SGMS1: variants seen among roughly 807,000 people sequenced by gnomAD.
SGMS1 encodes the protein phosphatidylcholine:ceramide cholinephosphotransferase 1.
In SGMS1, 13 loss-of-function variants were observed where a neutral mutation model predicts 46.2. The ratio of observed to expected loss-of-function variants is 0.28; its 90% CI spans 0.18 to 0.45. SGMS1 has a LOEUF of 0.45. Ranked by LOEUF, SGMS1 falls within the 20% of genes least tolerant of loss-of-function variation. The probability of loss-of-function intolerance (pLI) is 1.00; values close to 1 mark genes in which losing one functional copy is unlikely to be tolerated. For missense variants in SGMS1, 324 were observed against 519.9 expected (o/e 0.62, Z 3.66); for synonymous variants, 203 against 187.8 (o/e 1.08, Z -0.66).
intron 2 of SGMS1, among the ~76,000 whole-genome samples, chr10:50,581,100 C>T (rs766000552): frequency 6.6e-6 from 1 of 152,162 alleles, no homozygotes; most frequent in Non-Finnish European, 1.5e-5. Flanking sequence ...AACTATTGCT[C>T]TAGTTCAAAA....
intron 6 of SGMS1, among the ~76,000 whole-genome samples, chr10:50,429,820 A>G (rs1158657899): frequency 2.0e-5 from 3 of 151,984 alleles, no homozygotes; most frequent in African/African-American, 4.8e-5. Flanking sequence ...TAAAAGATCT[A>G]TTCTTTCTTG....
intron 8 of SGMS1, among the ~76,000 whole-genome samples, chr10:50,311,754 C>T (rs1847257346): frequency 6.6e-6 from 1 of 152,102 alleles, no homozygotes; most frequent in Non-Finnish European, 1.5e-5. Flanking sequence ...GTATAACTAT[C>T]ATTTGGGAAA....
At chr10:50,323,290 C>T (rs1246841116) in intron 8 of SGMS1, among the ~76,000 whole-genome samples, 1 of 152,152 alleles carries the variant, frequency 6.6e-6, no homozygotes, top group Non-Finnish European at 1.5e-5. Context: ...GCATTAAGTA[C>T]ACTAATTACA....
At chr10:50,622,459 G>A (rs1307060671) in intron 1 of SGMS1, among the ~76,000 whole-genome samples, 5 of 152,040 alleles carry the variant, frequency 3.3e-5, no homozygotes, top group African/African-American at 1.2e-4. Context: ...TCAGACATTC[G>A]CCACTTCCAC....
chr10:50,494,260 C>T (rs922643187), intron 3 of SGMS1, among the ~76,000 whole-genome samples: 30 of 152,296 alleles, frequency 2.0e-4, no homozygotes, highest in African/African-American at 6.7e-4. Context: ...CCATTTGACC[C>T]AGCCATTCCA....
intron 4 of SGMS1, 33 bp downstream of exon 4, chr10:50,466,857 C>T (rs186745928): frequency 1.1e-4 from 16 of 152,114 alleles, no homozygotes; most frequent in Admixed American, 8.5e-4. Flanking sequence ...ACAAATTAAG[C>T]ATAAAAGGTA....
In SGMS1 at chr10:50,616,472, T is replaced by C. The variant is rs1340343626; in HGVS notation, c.-684+7235A>G. On this transcript the variant is annotated intron_variant, in intron 1 of 10. Coordinates refer to ENST00000361781, the MANE Select transcript of SGMS1 (RefSeq NM_147156.4). Reference sequence around the variant, plus strand: ...TTTAAAACCAGCATTAGGGGAGGTATTCCACCAACATAACCTAAGCAACAA... The same window carrying C: ...TTTAAAACCAGCATTAGGGGAGGTACTCCACCAACATAACCTAAGCAACAA... Among the ~76,000 whole-genome samples, 3 of 152,282 alleles carry C rather than the reference T, an allele frequency of 2.0e-5. No homozygotes were observed. The East Asian group carries it at 5.8e-4, about 29-fold the overall frequency.
chr10:50,484,703 G>A (rs920495272), intron 3 of SGMS1, among the ~76,000 whole-genome samples: 3 of 152,016 alleles, frequency 2.0e-5, no homozygotes, highest in Non-Finnish European at 2.9e-5. Flanking sequence ...CACCATGATC[G>A]AGCTGGCTTC....
intron 1 of SGMS1, among the ~76,000 whole-genome samples, chr10:50,599,394 G>A (rs1048255054): frequency 1.3e-5 from 2 of 152,066 alleles, no homozygotes; most frequent in Non-Finnish European, 2.9e-5. Flanking sequence ...CCCTGCAACA[G>A]CCCACTTCAG....
intron 2 of SGMS1, among the ~76,000 whole-genome samples, chr10:50,521,814 G>T (rs1837859150): frequency 6.6e-6 from 1 of 152,054 alleles, no homozygotes; most frequent in African/African-American, 2.4e-5. Flanking sequence ...CACATCTAAA[G>T]GCACAAAAAG....
At chr10:50,510,065 C>T (rs1837740317) in intron 3 of SGMS1, among the ~76,000 whole-genome samples, 1 of 152,120 alleles carries the variant, frequency 6.6e-6, no homozygotes, top group African/African-American at 2.4e-5. Flanking sequence ...ATCTTCTCCC[C>T]CATCACATGC....
chr10:50,476,059 C>T (rs551081125), intron 3 of SGMS1, among the ~76,000 whole-genome samples: 9 of 126,832 alleles, frequency 7.1e-5, no homozygotes, highest in Non-Finnish European at 1.2e-4. Context: ...CGAGACCAGC[C>T]TGGCCAACAC....
At chr10:50,473,422 C>T (rs1396568294) in intron 3 of SGMS1, among the ~76,000 whole-genome samples, 1 of 152,224 alleles carries the variant, frequency 6.6e-6, no homozygotes, top group East Asian at 1.9e-4. Flanking sequence ...TCTTAATTTC[C>T]TTTTAAAATA....
intron 1 of SGMS1, among the ~76,000 whole-genome samples, chr10:50,606,719 T>C (rs1210908157): frequency 6.6e-6 from 1 of 152,192 alleles, no homozygotes; most frequent in African/African-American, 2.4e-5. Flanking sequence ...TGATGTATGA[T>C]CAATGATTGC....
At chr10:50,437,010 A>C (rs897249862) in intron 5 of SGMS1, among the ~76,000 whole-genome samples, 1 of 152,208 alleles carries the variant, frequency 6.6e-6, no homozygotes, top group African/African-American at 2.4e-5. Context: ...TCATCTATAG[A>C]ATGGGAGCGA....
intron 5 of SGMS1, among the ~76,000 whole-genome samples, chr10:50,439,354 G>T (rs1260752915): frequency 6.6e-6 from 1 of 152,094 alleles, no homozygotes; most frequent in East Asian, 1.9e-4. Context: ...AAACTGGTAG[G>T]GAAATCCTAC....
intron 6 of SGMS1, among the ~76,000 whole-genome samples, chr10:50,419,437 A>G (rs1042694453): frequency 6.6e-6 from 1 of 152,190 alleles, no homozygotes; most frequent in African/African-American, 2.4e-5. Context: ...AAGAAGCTTT[A>G]GGTTCAGGAT....
chr10:50,375,284 G>A (rs1848506771), intron 6 of SGMS1, among the ~76,000 whole-genome samples: 1 of 152,190 alleles, frequency 6.6e-6, no homozygotes, highest in Non-Finnish European at 1.5e-5. Context: ...AAAGATTTAA[G>A]GGTGTGACTG....
intron 8 of SGMS1, among the ~76,000 whole-genome samples, chr10:50,318,851 T>C (rs1440423266): frequency 6.6e-6 from 1 of 152,190 alleles, no homozygotes; most frequent in African/African-American, 2.4e-5. Flanking sequence ...TAGGCAGACT[T>C]GTTTTAGGGA....
Sources: allele counts gnomAD v4.1 joint callset (sites outside exome capture counted in the v4.1 genomes callset), GRCh38; gene constraint gnomAD v4.1.1; transcripts MANE v1.5; gene names NCBI Gene and HGNC (gene_info 2026-07-23, HGNC 2026-07-21).